ZCRB1: variants seen among roughly 807,000 people sequenced by gnomAD.
ZCRB1 encodes the protein zinc finger CCHC-type and RNA binding motif containing 1.
Under a neutral mutation model 29.9 loss-of-function variants are expected in ZCRB1, and 21 were observed. The observed-to-expected ratio is 0.70, with a 90% CI of 0.50 to 1.01. ZCRB1 has a LOEUF of 1.01. Ranked by LOEUF, ZCRB1 falls within the 50% of genes least tolerant of loss-of-function variation. The pLI is 0.00. For synonymous variants in ZCRB1, 77 were observed against 80.0 expected (o/e 0.96, Z 0.20); for missense variants, 204 against 253.3 (o/e 0.81, Z 1.32).
At chr12:42,323,238 T>A (rs192927193) in intron 2 of ZCRB1, among the ~76,000 whole-genome samples, 32 of 152,340 alleles carry the variant, frequency 2.1e-4, no homozygotes, top group South Asian at 4.1e-4. Context: ...CAACACTGGG[T>A]TCTGAAGGCC....
intron 3 of ZCRB1, among the ~76,000 whole-genome samples, chr12:42,320,633 A>G (rs2068616777): frequency 6.6e-6 from 1 of 151,854 alleles, no homozygotes; most frequent in Non-Finnish European, 1.5e-5. Context: ...TTTTTTGTAG[A>G]GATGGGGTTT....
chr12:42,313,607 C>T (rs2068579617), intron 7 of ZCRB1, 83 bp downstream of exon 7: 11 of 1,436,236 alleles, frequency 7.7e-6, no homozygotes, highest in Non-Finnish European at 4.8e-6. Flanking sequence ...AGAGAGGTTG[C>T]CATGAGGTGA....
chr12:42,321,523 C>T (rs1450737741), intron 3 of ZCRB1, among the ~76,000 whole-genome samples: 1 of 152,212 alleles, frequency 6.6e-6, no homozygotes, highest in African/African-American at 2.4e-5. Context: ...ATACCATCAT[C>T]ATTACCAGTG....
chr12:42,325,374 A>G (rs1186927834), intron 1 of ZCRB1: 1 of 152,180 alleles, frequency 6.6e-6, no homozygotes, highest in Non-Finnish European at 1.5e-5. Flanking sequence ...ACTTCTTTCG[A>G]AACGCTAATT....
At position 42,313,793 on chromosome 12, in the gene ZCRB1, G is replaced by A. The variant is rs58378427; in HGVS notation, c.447-28C>T. ...TAAATAAAGAAAAACAAATTGGAATGTAACCAACCAATAATCAAAAGCAAC... is the reference window on the plus strand; with the variant it reads ...TAAATAAAGAAAAACAAATTGGAATATAACCAACCAATAATCAAAAGCAAC... On this transcript the variant is annotated intron_variant, in intron 6 of 7. Coordinates refer to ENST00000266529, the MANE Select transcript of ZCRB1 (RefSeq NM_033114.4). 3,809 of 1,612,792 alleles carry A rather than the reference G, an allele frequency of 2.4e-3. 75 individuals carry two copies. The African/African-American group carries it at 0.044, about 19-fold the overall frequency.
At chr12:42,325,085 T>A (rs768547059) in intron 1 of ZCRB1, among the ~76,000 whole-genome samples, 3 of 152,202 alleles carry the variant, frequency 2.0e-5, no homozygotes, top group Non-Finnish European at 2.9e-5. Flanking sequence ...TGTAGACAGT[T>A]GAAACACAAT....
In ZCRB1 at chr12:42,312,322, C is replaced by T. The variant is rs1037626055; in HGVS notation, c.*745G>A. ...TTTAGTCATAAATACAAAGACAATA[C>T]ATGGAAAAAAAATAGACAATTATTA... is the stretch of plus-strand genomic sequence containing the variant. On this transcript the variant is annotated 3_prime_UTR_variant, in exon 8 of 8. Coordinates refer to ENST00000266529, the MANE Select transcript of ZCRB1 (RefSeq NM_033114.4). 2 of 151,898 alleles carry T rather than the reference C, an allele frequency of 1.3e-5. No individual in the cohort carries two copies. The highest frequency in any genetic ancestry group is 1.3e-4 in the Admixed American group (2 of 15,256). The allele number at this position is 151,898 out of a possible 1,614,324, so 9.4% of individuals were successfully genotyped here. A position where few individuals can be genotyped will look rare whatever the true frequency, so the allele number is the denominator to read the frequency against.
rs558986159 is a variant in ZCRB1 at position 42,319,620 on chromosome 12, G to C, written c.114-1722C>G. 2.6e-5 allele frequency among the ~76,000 whole-genome samples: 4 copies of C among 152,230 alleles called. No homozygotes were observed. In the East Asian group the frequency reaches 7.7e-4, roughly 29 times the overall value. ...ATTTTCCTCATTCTTTCGGGGTTCA[G>C]GTCAATGTGTCAGTTTCTAATAGCT... On this transcript the variant is annotated intron_variant, in intron 3 of 7. Transcript: ENST00000266529.
At chr12:42,314,751 A>G (rs572934078) in intron 5 of ZCRB1, among the ~76,000 whole-genome samples, 1 of 152,258 alleles carries the variant, frequency 6.6e-6, no homozygotes, top group East Asian at 1.9e-4. Context: ...AGTGAGTTCA[A>G]GACCCGCCTG....
Position 42,319,383 on chromosome 12 carries a change from A to G in ZCRB1, c.114-1485T>C, listed in dbSNP as rs1488336823. Among the ~76,000 whole-genome samples the G allele has an allele frequency of 3.3e-5, 5 of 152,230 alleles. No homozygotes were observed. The East Asian group carries it at 9.7e-4, about 29-fold the overall frequency. ...TTTGTTCAAAAATCTTTGGTTCTGT[A>G]AGTTGCCTATTCTTTGTCCCACTGT... On this transcript the variant is annotated intron_variant, in intron 3 of 7. Transcript: ENST00000266529.
chr12:42,324,384 A>T (rs1447869818), intron 1 of ZCRB1, among the ~76,000 whole-genome samples: 2 of 152,090 alleles, frequency 1.3e-5, no homozygotes, highest in Non-Finnish European at 2.9e-5. Flanking sequence ...CTGACCTCAA[A>T]TGATCCACCT....
chr12:42,324,753 C>G (rs1358314418), intron 1 of ZCRB1, among the ~76,000 whole-genome samples: 1 of 152,162 alleles, frequency 6.6e-6, no homozygotes, highest in Non-Finnish European at 1.5e-5. Flanking sequence ...GGGTTTTGAA[C>G]AGATGAAGGA....
At position 42,317,226 on chromosome 12, in the gene ZCRB1, G is replaced by C. The variant is rs976642378; in HGVS notation, c.333+114C>G. 1.8e-4 allele frequency: 115 copies of C among 654,116 alleles called. 1 individual carries two copies. The East Asian group carries it at 3.5e-3, about 20-fold the overall frequency. The allele number at this position is 654,116 out of a possible 1,614,324, so 40.5% of individuals were successfully genotyped here. A position where few individuals can be genotyped will look rare whatever the true frequency, so the allele number is the denominator to read the frequency against. On this transcript the variant is annotated intron_variant, in intron 5 of 7. Coordinates refer to ENST00000266529, the MANE Select transcript of ZCRB1 (RefSeq NM_033114.4). The stretch of plus-strand genomic sequence containing the variant: ...AAAAAAATAAATATTAAAAAATAAA[G>C]CATTTTCATAATCTGGTTTAGCCAG...
In ZCRB1 at chr12:42,317,906, C is replaced by A; in HGVS notation, c.114-8G>T. 1 of 1,600,308 alleles carries A rather than the reference C, an allele frequency of 6.2e-7. No individual in the cohort carries two copies. Reference sequence around the variant, plus strand: ...TCTTTCATGATGGTAACCCTTAAAGCATAAACAAAGAGTTAAAAATGAGGC... The same window carrying A: ...TCTTTCATGATGGTAACCCTTAAAGAATAAACAAAGAGTTAAAAATGAGGC... On this transcript the variant is annotated splice_region_variant and splice_polypyrimidine_tract_variant and intron_variant, in intron 3 of 7. Coordinates refer to ENST00000266529, the MANE Select transcript of ZCRB1 (RefSeq NM_033114.4).
chr12:42,315,374 C>T lies in ZCRB1; in HGVS notation c.334-1388G>A, dbSNP rs139213114. ...GAAGGGAACAATAATCATGCTTTTC[C>T]AGTATATTTGACAGAGCAGACAGAC... On this transcript the variant is annotated intron_variant, in intron 5 of 7. Transcript: ENST00000266529. Among the ~76,000 whole-genome samples the T allele has an allele frequency of 3.4e-3, 524 of 152,212 alleles. 1 individual carries two copies. Among genetic ancestry groups the T allele is most frequent in the Admixed American group, 8.3e-3 (127 of 15,282 alleles).
At chr12:42,314,057 C>G in intron 5 of ZCRB1, 71 bp from the exon 6 acceptor site, 1 of 1,497,920 alleles carries the variant, frequency 6.7e-7, no homozygotes, top group Non-Finnish European at 8.9e-7. Context: ...TTGCCTGGTA[C>G]CTTATTACTA....
At chr12:42,320,929 C>G (rs2068618216) in intron 3 of ZCRB1, among the ~76,000 whole-genome samples, 1 of 152,230 alleles carries the variant, frequency 6.6e-6, no homozygotes, top group African/African-American at 2.4e-5. Context: ...GCTTCCATCT[C>G]TGGAGCCACC....
At position 42,322,516 on chromosome 12, in the gene ZCRB1, C is replaced by T. The variant is rs2068626749; in HGVS notation, c.85-70G>A. The stretch of plus-strand genomic sequence containing the variant: ...AAACATCAAATTTTTAGGTTGCAGA[C>T]ATTGACCAAATTCTTTGTTACAGTT... On this transcript the variant is annotated intron_variant, in intron 2 of 7. Transcript: ENST00000266529. The T allele has an allele frequency of 3.7e-6, 5 of 1,354,964 alleles. No individual in the cohort carries two copies. The South Asian group carries it at 5.8e-5, about 16-fold the overall frequency. 83.9% of individuals were successfully genotyped at this position (1,354,964 alleles called of 1,614,324 possible).
At chr12:42,321,587 G>C (rs540861544) in intron 3 of ZCRB1, among the ~76,000 whole-genome samples, 1 of 152,140 alleles carries the variant, frequency 6.6e-6, no homozygotes, top group African/African-American at 2.4e-5. Context: ...AATTTACACA[G>C]AAGCATTTTT....
Sources: gnomAD v4.1 joint callset for allele counts (sites outside exome capture counted in the v4.1 genomes callset) on GRCh38, gnomAD v4.1.1 for gene constraint, MANE v1.5 for transcripts, NCBI Gene and HGNC (gene_info 2026-07-23, HGNC 2026-07-21) for gene names.